SAXO1: variants seen among roughly 807,000 people sequenced by gnomAD.
SAXO1 encodes the protein 4930500O09Rik.
In SAXO1, 21 loss-of-function variants were observed where a neutral mutation model predicts 17.5. That is an observed-to-expected ratio of 1.20 (90% CI 0.85 to 1.72). SAXO1 has a LOEUF of 1.72. Ranked by LOEUF, SAXO1 falls within the 40% of genes most tolerant of loss-of-function variation. The pLI is 0.00. For synonymous variants in SAXO1, 274 were observed against 216.5 expected (o/e 1.27, Z -2.33); for missense variants, 843 against 596.0 (o/e 1.41, Z -4.32).
intron 1 of SAXO1, among the ~76,000 whole-genome samples, chr9:18,979,001 T>C (rs1833262721): frequency 2.0e-5 from 3 of 152,218 alleles, no homozygotes. Flanking sequence ...AAGCCTCTAC[T>C]AAAATGGGAT....
intron 1 of SAXO1, among the ~76,000 whole-genome samples, chr9:19,016,490 C>G (rs1329846006): frequency 3.9e-5 from 6 of 152,096 alleles, no homozygotes; most frequent in Non-Finnish European, 7.4e-5. Flanking sequence ...CTTGAGAATG[C>G]CTCTAGCCCA....
chr9:18,927,867 G>C lies in SAXO1; in HGVS notation c.*185C>G. 1 of 596,354 alleles carries C rather than the reference G, an allele frequency of 1.7e-6. No homozygotes were observed. Among genetic ancestry groups the C allele is most frequent in the East Asian group, 2.9e-5 (1 of 34,402 alleles). The allele number at this position is 596,354 out of a possible 1,614,324, so 36.9% of individuals were successfully genotyped here. On this transcript the variant is annotated 3_prime_UTR_variant, in exon 4 of 4. Transcript: ENST00000380534. ...AGAAGGTAAGGGGAGTTAATTAGCC[G>C]GTGATTAAATGTCATTTTCCCTGAG... is the stretch of plus-strand genomic sequence containing the variant.
chr9:18,983,966 G>A (rs1393755815), intron 1 of SAXO1, among the ~76,000 whole-genome samples: 1 of 152,160 alleles, frequency 6.6e-6, no homozygotes, highest in Non-Finnish European at 1.5e-5. Context: ...AATAAGACTT[G>A]AAAATTGAAA....
chr9:18,989,653 A>T (rs559290150), intron 1 of SAXO1, among the ~76,000 whole-genome samples: 52 of 152,276 alleles, frequency 3.4e-4, no homozygotes, highest in Non-Finnish European at 6.5e-4. Flanking sequence ...ACAACTCATA[A>T]GTTATATAAT....
At chr9:18,961,791 T>C (rs545516226) in intron 1 of SAXO1, among the ~76,000 whole-genome samples, 73 of 152,320 alleles carry the variant, frequency 4.8e-4, no homozygotes, top group African/African-American at 1.7e-3. Flanking sequence ...AGTGCTTCAA[T>C]AAACATACGT....
chr9:18,996,079 C>CAA (rs61569381), intron 1 of SAXO1, among the ~76,000 whole-genome samples: 6,961 of 139,934 alleles, frequency 0.05, 570 homozygotes, highest in African/African-American at 0.17. Context: ...AACTACATCT[C>CAA]AAAAAAAAAA....
At chr9:18,948,096 A>G (rs1329513374) in intron 2 of SAXO1, among the ~76,000 whole-genome samples, 1 of 152,208 alleles carries the variant, frequency 6.6e-6, no homozygotes, top group African/African-American at 2.4e-5. Flanking sequence ...GCACAGACAC[A>G]AGGGTGTGCA....
chr9:18,935,932 G>A (rs1401461802), intron 3 of SAXO1, among the ~76,000 whole-genome samples: 2 of 152,204 alleles, frequency 1.3e-5, no homozygotes, highest in Non-Finnish European at 2.9e-5. Context: ...CAGGGGTGGG[G>A]ATGGGGTGAT....
chr9:19,024,848 G>T (rs1395327687), intron 1 of SAXO1, among the ~76,000 whole-genome samples: 1 of 151,940 alleles, frequency 6.6e-6, no homozygotes, highest in Non-Finnish European at 1.5e-5. Context: ...TCACCTGAAG[G>T]TCAGTAATAA....
intron 1 of SAXO1, among the ~76,000 whole-genome samples, chr9:19,001,104 C>G (rs1188223539): frequency 6.6e-6 from 1 of 152,204 alleles, no homozygotes; most frequent in African/African-American, 2.4e-5. Flanking sequence ...TAGACATCTA[C>G]AGAACTCTCC....
intron 1 of SAXO1, among the ~76,000 whole-genome samples, chr9:18,986,732 T>G (rs1284187733): frequency 6.6e-6 from 1 of 152,246 alleles, no homozygotes; most frequent in Non-Finnish European, 1.5e-5. Flanking sequence ...GGGCAAAGAC[T>G]GTCACATACA....
intron 1 of SAXO1, among the ~76,000 whole-genome samples, chr9:18,957,728 C>A (rs1480054507): frequency 6.6e-6 from 1 of 152,136 alleles, no homozygotes; most frequent in Non-Finnish European, 1.5e-5. Context: ...CTGGATACTA[C>A]AGGCAAGGCC....
chr9:18,971,824 T>G (rs1020155481), intron 1 of SAXO1, among the ~76,000 whole-genome samples: 6 of 152,176 alleles, frequency 3.9e-5, no homozygotes, highest in Admixed American at 2.6e-4. Context: ...ATATTCTCAC[T>G]GGAAATTAAA....
intron 2 of SAXO1, among the ~76,000 whole-genome samples, chr9:18,949,392 G>A (rs557355933): frequency 6.6e-6 from 1 of 152,226 alleles, no homozygotes; most frequent in South Asian, 2.1e-4. Flanking sequence ...AGAAATTCGA[G>A]GCTGCACTGA....
intron 1 of SAXO1, among the ~76,000 whole-genome samples, chr9:19,011,553 G>T (rs1455811087): frequency 6.6e-6 from 1 of 152,174 alleles, no homozygotes; most frequent in African/African-American, 2.4e-5. Flanking sequence ...AGGGCCCAAG[G>T]CTAAGTCAAC....
rs182253110 is a variant in SAXO1 at position 19,005,239 on chromosome 9, A to G, written c.38+27632T>C. ...TGATCTACAGATTCAATCAAGCCCT[A>G]TCAAAATCTGTGGCCTTTTTGGCAG... On this transcript the variant is annotated intron_variant, in intron 1 of 3. Transcript: ENST00000380534. 3.0e-3 allele frequency among the ~76,000 whole-genome samples: 460 copies of G among 152,302 alleles called. 8 individuals are homozygous for G. In the South Asian group the frequency reaches 0.045, roughly 15 times the overall value.
chr9:18,978,122 C>T (rs1016772454), intron 1 of SAXO1, among the ~76,000 whole-genome samples: 1 of 151,940 alleles, frequency 6.6e-6, no homozygotes, highest in Non-Finnish European at 1.5e-5. Flanking sequence ...AAAAGCAGTG[C>T]CTGGTCATGG....
chr9:19,003,723 C>T (rs984404964), intron 1 of SAXO1, among the ~76,000 whole-genome samples: 2 of 152,162 alleles, frequency 1.3e-5, no homozygotes, highest in African/African-American at 4.8e-5. Context: ...TCCTTCCTTA[C>T]ACCTTAAACA....
intron 1 of SAXO1, among the ~76,000 whole-genome samples, chr9:18,952,011 G>T (rs1208852894): frequency 6.6e-6 from 1 of 152,222 alleles, no homozygotes; most frequent in African/African-American, 2.4e-5. Context: ...GTATTTAGCA[G>T]TTAAAATTTA....
Sources: allele counts gnomAD v4.1 joint callset (sites outside exome capture counted in the v4.1 genomes callset), GRCh38; gene constraint gnomAD v4.1.1; transcripts MANE v1.5; gene names NCBI Gene and HGNC (gene_info 2026-07-23, HGNC 2026-07-21).